Variants in OPCML observed in about 807,000 individuals in gnomAD.
OPCML encodes opioid binding protein/cell adhesion molecule like.
OPCML carries 13 observed loss-of-function variants against 37.8 expected under a neutral mutation model. The observed-to-expected ratio is 0.34, with a 90% CI of 0.22 to 0.55. The LOEUF (loss-of-function observed/expected upper bound fraction) is 0.55, where lower values mean the gene tolerates loss of function less well. Among genes scored for constraint, OPCML ranks in the 20% least tolerant of loss-of-function variants. The probability of loss-of-function intolerance (pLI) is 0.91; values close to 1 mark genes in which losing one functional copy is unlikely to be tolerated. For synonymous variants in OPCML, 176 were observed against 168.8 expected, an observed-to-expected ratio of 1.04 and a Z score of -0.33; for missense variants, 341 against 435.6, an observed-to-expected ratio of 0.78 and a Z score of 1.93.
At chr11:133,078,668 G>A (rs1186358273) in intron 1 of OPCML, among the ~76,000 whole-genome samples, 1 of 152,100 alleles carries the variant, frequency 6.6e-6, no homozygotes, top group African/African-American at 2.4e-5. Flanking sequence ...ATCACCTCTG[G>A]TCTAAGGTTC....
intron 3 of OPCML, among the ~76,000 whole-genome samples, chr11:132,637,233 T>A (rs548494334): frequency 2.0e-5 from 3 of 152,218 alleles, no homozygotes; most frequent in African/African-American, 7.2e-5. Flanking sequence ...CAACAGTCCC[T>A]TACTGATGAT....
At chr11:133,005,122 C>T (rs1947082005) in intron 1 of OPCML, 4 of 985,248 alleles carry the variant, frequency 4.1e-6, no homozygotes, top group Non-Finnish European at 4.8e-6. Context: ...GAAATCCAAA[C>T]TTAGAATGAA....
intron 1 of OPCML, among the ~76,000 whole-genome samples, chr11:133,030,757 C>T (rs529518006): frequency 5.3e-5 from 8 of 152,238 alleles, no homozygotes; most frequent in African/African-American, 1.9e-4. Flanking sequence ...TTTCAATGCT[C>T]TGGTTCTCCT....
chr11:133,215,713 T>A (rs941728688), intron 1 of OPCML, among the ~76,000 whole-genome samples: 1 of 152,040 alleles, frequency 6.6e-6, no homozygotes, highest in Non-Finnish European at 1.5e-5. Context: ...AGAACCCAGG[T>A]CACACTGACC....
intron 4 of OPCML, among the ~76,000 whole-genome samples, chr11:132,486,871 T>G (rs907369337): frequency 6.6e-6 from 1 of 152,182 alleles, no homozygotes; most frequent in Non-Finnish European, 1.5e-5. Flanking sequence ...CAATTAAAAT[T>G]TGGGTGGTAA....
At chr11:132,474,132 C>A (rs1490347049) in intron 4 of OPCML, among the ~76,000 whole-genome samples, 6 of 152,044 alleles carry the variant, frequency 3.9e-5, no homozygotes, top group Non-Finnish European at 8.8e-5. Context: ...GCAGACAGAC[C>A]CAACATGCAG....
intron 1 of OPCML, among the ~76,000 whole-genome samples, chr11:133,088,993 T>C (rs1412633753): frequency 2.6e-5 from 4 of 152,224 alleles, no homozygotes; most frequent in Non-Finnish European, 5.9e-5. Flanking sequence ...GTAAGTAATG[T>C]AGTTTCTAGA....
chr11:132,490,361 C>T (rs559808444), intron 4 of OPCML, among the ~76,000 whole-genome samples: 78 of 152,182 alleles, frequency 5.1e-4, no homozygotes, highest in African/African-American at 1.8e-3. Context: ...ACTGGAACTG[C>T]CATTGAGGTT....
chr11:132,536,845 T>C (rs1356131929), intron 3 of OPCML, among the ~76,000 whole-genome samples: 1 of 152,224 alleles, frequency 6.6e-6, no homozygotes, highest in African/African-American at 2.4e-5. Flanking sequence ...AGGAGCAGAT[T>C]CTGAATATTT....
intron 1 of OPCML, among the ~76,000 whole-genome samples, chr11:133,164,058 G>A (rs1592063857): frequency 6.6e-6 from 1 of 152,174 alleles, no homozygotes; most frequent in Non-Finnish European, 1.5e-5. Flanking sequence ...ATTTCACAAA[G>A]GGCAGGGCTT....
chr11:132,640,413 C>A (rs1565736291), intron 3 of OPCML, among the ~76,000 whole-genome samples: 1 of 152,168 alleles, frequency 6.6e-6, no homozygotes, highest in Non-Finnish European at 1.5e-5. Context: ...CCACACATTG[C>A]AGTTACCCAC....
chr11:132,459,462 A>T lies in OPCML; in HGVS notation c.506-22103T>A, dbSNP rs145592605. Among the ~76,000 whole-genome samples the T allele has an allele frequency of 2.2e-3, 329 of 149,234 alleles. 7 individuals are homozygous for T. In the East Asian group the frequency reaches 0.051, roughly 23 times the overall value. ...ATACATACATACATATCTACTTCCTATATATATATCTACATATATATAGGA... is the reference window on the plus strand; with the variant it reads ...ATACATACATACATATCTACTTCCTTTATATATATCTACATATATATAGGA... On this transcript the variant is annotated intron_variant, in intron 4 of 7. Coordinates refer to ENST00000524381, the MANE Select transcript of OPCML (RefSeq NM_001012393.5).
chr11:133,045,268 C>A (rs895128606), intron 1 of OPCML, among the ~76,000 whole-genome samples: 69 of 152,214 alleles, frequency 4.5e-4, no homozygotes, highest in African/African-American at 1.6e-3. Context: ...TGCATTTTGT[C>A]CCCTCCTGAG....
At chr11:133,126,092 C>T (rs1565460162) in intron 1 of OPCML, among the ~76,000 whole-genome samples, 1 of 135,758 alleles carries the variant, frequency 7.4e-6, no homozygotes, top group South Asian at 2.4e-4. Flanking sequence ...CACACACACA[C>T]ACATATATGA....
rs117289034 is a variant in OPCML at position 133,059,525 on chromosome 11, C to T, written c.62-116515G>A. On this transcript the variant is annotated intron_variant, in intron 1 of 7. Coordinates refer to ENST00000524381, the MANE Select transcript of OPCML (RefSeq NM_001012393.5). The stretch of plus-strand genomic sequence containing the variant: ...GAGTAGTCACTGCACTCTTCACCTC[C>T]GCACGCTTGCAGGGAAACCCAAACG... Among the ~76,000 whole-genome samples, 667 of 152,308 alleles carry T rather than the reference C, an allele frequency of 4.4e-3. 4 individuals are homozygous for T. The highest frequency in any genetic ancestry group is 7.4e-3 in the Non-Finnish European group (504 of 68,036).
intron 2 of OPCML, among the ~76,000 whole-genome samples, chr11:132,814,522 C>T (rs1591645602): frequency 6.6e-6 from 1 of 152,312 alleles, no homozygotes; most frequent in Admixed American, 6.5e-5. Context: ...CAAATTCCTT[C>T]TTCCTCTGCC....
intron 1 of OPCML, among the ~76,000 whole-genome samples, chr11:132,979,459 T>G (rs767057320): frequency 6.6e-6 from 1 of 152,204 alleles, no homozygotes; most frequent in Non-Finnish European, 1.5e-5. Context: ...CAGCCACATA[T>G]TCTTAAAAGG....
chr11:133,095,626 A>T (rs1287845343), intron 1 of OPCML, among the ~76,000 whole-genome samples: 2 of 147,588 alleles, frequency 1.4e-5, no homozygotes, highest in Non-Finnish European at 3.0e-5. Flanking sequence ...CTACTGATAC[A>T]GTAGTCATGA....
intron 1 of OPCML, among the ~76,000 whole-genome samples, chr11:133,221,799 T>G (rs1939843907): frequency 2.0e-5 from 3 of 152,198 alleles, no homozygotes; most frequent in Admixed American, 2.0e-4. Context: ...TTTGGTCTCA[T>G]AATTACACAA....
Sources: allele counts gnomAD v4.1 joint callset (sites outside exome capture counted in the v4.1 genomes callset), GRCh38; gene constraint gnomAD v4.1.1; transcripts MANE v1.5; gene names NCBI Gene and HGNC (gene_info 2026-07-23, HGNC 2026-07-21).